The following TMX1 variants were observed in gnomAD, a reference collection of about 807,000 sequenced individuals.
TMX1 encodes the protein thioredoxin related transmembrane protein 1.
TMX1 carries 25 observed loss-of-function variants against 36.6 expected under a neutral mutation model. That is an observed-to-expected ratio of 0.68 (90% CI 0.50 to 0.95). The LOEUF is 0.95. Among genes scored for constraint, TMX1 ranks in the 40% least tolerant of loss-of-function variants. The pLI, the probability that TMX1 is intolerant of heterozygous loss-of-function variation, is 0.00. For missense variants in TMX1, 347 were observed against 339.6 expected, an observed-to-expected ratio of 1.02 and a Z score of -0.17; for synonymous variants, 133 against 118.0, an observed-to-expected ratio of 1.13 and a Z score of -0.82.
At chr14:51,251,064 A>T (rs1488552503) in intron 7 of TMX1, among the ~76,000 whole-genome samples, 3 of 152,244 alleles carry the variant, frequency 2.0e-5, no homozygotes, top group Non-Finnish European at 4.4e-5. Context: ...ATGAATATAA[A>T]ATGTTTACTC....
At chr14:51,247,959 G>A (rs1427931031) in intron 4 of TMX1, among the ~76,000 whole-genome samples, 2 of 152,150 alleles carry the variant, frequency 1.3e-5, no homozygotes, top group South Asian at 2.1e-4. Context: ...AATAATTGCC[G>A]ATACCAACTA....
chr14:51,247,900 C>T (rs980395902), intron 4 of TMX1, among the ~76,000 whole-genome samples: 1 of 152,166 alleles, frequency 6.6e-6, no homozygotes, highest in East Asian at 1.9e-4. Flanking sequence ...CTCATGCTAC[C>T]TCCAGACTTC....
intron 7 of TMX1, 48 bp downstream of exon 7, chr14:51,249,813 C>A: frequency 7.2e-7 from 1 of 1,385,150 alleles, no homozygotes; most frequent in Non-Finnish European, 1.0e-6. Context: ...TAGTCCTATT[C>A]ATTTCTGTAA....
chr14:51,243,128 G>A (rs2065769614), intron 1 of TMX1, among the ~76,000 whole-genome samples: 1 of 149,690 alleles, frequency 6.7e-6, no homozygotes, highest in Admixed American at 6.6e-5. Flanking sequence ...ACCCTGTGGT[G>A]TATTATAAGA....
At chr14:51,243,799 A>T in intron 1 of TMX1, 57 bp from the exon 2 acceptor site, 1 of 1,215,854 alleles carries the variant, frequency 8.2e-7, no homozygotes, top group Middle Eastern at 2.0e-4. Flanking sequence ...TTATCCCAAG[A>T]TAAATGGTCA....
rs546984708 is a variant in TMX1, at chr14:51,247,482, G to A, written c.443+262G>A. Among the ~76,000 whole-genome samples the A allele has an allele frequency of 2.4e-4, 36 of 147,928 alleles. 1 individual carries two copies. The highest frequency in any genetic ancestry group is 2.4e-3 in the South Asian group (11 of 4,574). On this transcript the variant is annotated intron_variant, in intron 4 of 7. Coordinates refer to ENST00000457354, the MANE Select transcript of TMX1 (RefSeq NM_030755.5). Reference sequence around the variant, plus strand: ...CGCCATTCTCCTGCCTCAGCCTCCCGAGTAGCTGGGACTACAGGTGCCCAC... The same window carrying A: ...CGCCATTCTCCTGCCTCAGCCTCCCAAGTAGCTGGGACTACAGGTGCCCAC...
In TMX1 at chr14:51,240,531, C is replaced by G; in HGVS notation, c.152+87C>G. On this transcript the variant is annotated intron_variant, in intron 1 of 7. Coordinates refer to ENST00000457354, the MANE Select transcript of TMX1 (RefSeq NM_030755.5). Reference sequence around the variant, plus strand: ...TTCCTCGTGCGGGTCGCAGGCTCCCCAGGACTGCGCCTCCGAGTTGCGGAG... The same window carrying G: ...TTCCTCGTGCGGGTCGCAGGCTCCCGAGGACTGCGCCTCCGAGTTGCGGAG... 2.7e-6 allele frequency: 4 copies of G among 1,495,216 alleles called. No homozygotes were observed. In the South Asian group the frequency reaches 3.9e-5, roughly 14 times the overall value. 92.6% of individuals were successfully genotyped at this position (1,495,216 alleles called of 1,614,324 possible).
In TMX1 at chr14:51,255,217, A is replaced by T. The variant is rs1281857906; in HGVS notation, c.*698A>T. On this transcript the variant is annotated 3_prime_UTR_variant, in exon 8 of 8. Transcript: ENST00000457354. ...TATGGGTTACATTTTTTATTTTTCAAATTGGATGATAATTTCTTGGAAACA... is the reference window on the plus strand; with the variant it reads ...TATGGGTTACATTTTTTATTTTTCATATTGGATGATAATTTCTTGGAAACA... 2.0e-5 allele frequency: 3 copies of T among 151,862 alleles called. No individual in the cohort carries two copies. Among genetic ancestry groups the T allele is most frequent in the Non-Finnish European group, 2.9e-5 (2 of 67,864 alleles). 9.4% of individuals were successfully genotyped at this position (151,862 alleles called of 1,614,324 possible). A position where few individuals can be genotyped will look rare whatever the true frequency, so the allele number is the denominator to read the frequency against.
At chr14:51,253,109 G>A (rs1208329602) in intron 7 of TMX1, among the ~76,000 whole-genome samples, 4 of 152,040 alleles carry the variant, frequency 2.6e-5, no homozygotes, top group Non-Finnish European at 5.9e-5. Context: ...CTCTGCTTGT[G>A]TAAAGGTCTC....
At chr14:51,245,777 A>T in intron 3 of TMX1, 2 of 313,756 alleles carry the variant, frequency 6.4e-6, no homozygotes, top group Non-Finnish European at 1.2e-5. Context: ...TTTTATTGTG[A>T]GGACAATCTC....
chr14:51,241,365 A>G (rs1469765005), intron 1 of TMX1, among the ~76,000 whole-genome samples: 1 of 152,204 alleles, frequency 6.6e-6, no homozygotes. Context: ...ATAATTATTA[A>G]CAGTGTACTG....
At position 51,249,586 on chromosome 14, in the gene TMX1, T is replaced by C; in HGVS notation, c.591+17T>C. 1 of 1,608,972 alleles carries C rather than the reference T, an allele frequency of 6.2e-7. No individual in the cohort carries two copies. The highest frequency in any genetic ancestry group is 8.5e-7 in the Non-Finnish European group (1 of 1,177,170). ...TTAGGACTCGTAAGTATTTCATTTT[T>C]GGAGTGCTAGGAAGAAAGATATTTA... On this transcript the variant is annotated intron_variant, in intron 6 of 7. Transcript: ENST00000457354.
At chr14:51,242,427 A>G (rs2065766374) in intron 1 of TMX1, among the ~76,000 whole-genome samples, 1 of 152,212 alleles carries the variant, frequency 6.6e-6, no homozygotes, top group African/African-American at 2.4e-5. Context: ...TAAATACAGC[A>G]ATCAGAAGTA....
Position 51,249,833 on chromosome 14 carries a change from C to T in TMX1, c.664+68C>T, listed in dbSNP as rs1458879798. 3 of 1,229,874 alleles carry T rather than the reference C, an allele frequency of 2.4e-6. No homozygotes were observed. In the Admixed American group the frequency reaches 7.1e-5, roughly 29 times the overall value. 76.2% of individuals were successfully genotyped at this position (1,229,874 alleles called of 1,614,324 possible). A position where few individuals can be genotyped will look rare whatever the true frequency, so the allele number is the denominator to read the frequency against. On this transcript the variant is annotated intron_variant, in intron 7 of 7. Transcript: ENST00000457354. ...CTATTCATTTCTGTAATCACAATCA[C>T]ACATTTCACAGGTTGCTCTTCCAGC...
In TMX1 at chr14:51,246,958, T is replaced by C. The variant is rs556062226; in HGVS notation, c.315-134T>C. ...TGTCATGAGTAGGTAAATAGTATAA[T>C]TTGCTATTAATACTTGTACATTGCT... On this transcript the variant is annotated intron_variant, in intron 3 of 7. Transcript: ENST00000457354. 8.8e-6 allele frequency: 6 copies of C among 685,346 alleles called. No individual in the cohort carries two copies. In the South Asian group the frequency reaches 1.7e-4, roughly 19 times the overall value. The allele number at this position is 685,346 out of a possible 1,614,324, so 42.5% of individuals were successfully genotyped here. A position where few individuals can be genotyped will look rare whatever the true frequency, so the allele number is the denominator to read the frequency against.
Position 51,244,765 on chromosome 14 carries a change from A to G in TMX1, c.269-548A>G, listed in dbSNP as rs558565786. Among the ~76,000 whole-genome samples, 3 of 152,324 alleles carry G rather than the reference A, an allele frequency of 2.0e-5. No homozygotes were observed. The East Asian group carries it at 5.8e-4, about 29-fold the overall frequency. ...TAATCCTTATACAACCCCGTGAAAT[A>G]TGTAATGTCCCCATTTCACAGATAA... is the stretch of plus-strand genomic sequence containing the variant. On this transcript the variant is annotated intron_variant, in intron 2 of 7. Coordinates refer to ENST00000457354, the MANE Select transcript of TMX1 (RefSeq NM_030755.5).
At chr14:51,253,413 G>C (rs2065823882) in intron 7 of TMX1, among the ~76,000 whole-genome samples, 1 of 152,170 alleles carries the variant, frequency 6.6e-6, no homozygotes. Context: ...AAATAAAGAT[G>C]GATGCCAGGC....
At chr14:51,245,994 G>A (rs10138856) in intron 3 of TMX1, 109,591 of 153,906 alleles carry the variant, frequency 0.71, 39,408 homozygotes, top group Non-Finnish European at 0.77. Flanking sequence ...CCAACATCAT[G>A]TAGCTGGTAG....
intron 7 of TMX1, among the ~76,000 whole-genome samples, chr14:51,250,309 T>C (rs2065805736): frequency 6.6e-6 from 1 of 152,240 alleles, no homozygotes; most frequent in African/African-American, 2.4e-5. Context: ...TAAAGAACTT[T>C]TACTTATCTG....
Sources: allele counts gnomAD v4.1 joint callset (sites outside exome capture counted in the v4.1 genomes callset), GRCh38; gene constraint gnomAD v4.1.1; transcripts MANE v1.5; gene names NCBI Gene and HGNC (gene_info 2026-07-23, HGNC 2026-07-21).